The following GRIN2B variants were observed in gnomAD, a reference collection of about 807,000 sequenced individuals.
The protein encoded by GRIN2B is glutamate ionotropic receptor NMDA type subunit 2B.
A neutral mutation model predicts 114.5 loss-of-function variants in GRIN2B; 5 were observed. The ratio of observed to expected loss-of-function variants is 0.04; its 90% confidence interval spans 0.02 to 0.09. The LOEUF is 0.09. Among genes scored for constraint, GRIN2B ranks in the 10% least tolerant of loss-of-function variants. GRIN2B has a pLI of 1.00. For missense variants in GRIN2B, 1,108 were observed against 1,943.5 expected (o/e 0.57, Z 8.08); for synonymous variants, 787 against 745.1 (o/e 1.06, Z -0.92).
At chr12:13,788,174 A>C (rs1003639692) in intron 3 of GRIN2B, among the ~76,000 whole-genome samples, 3 of 152,180 alleles carry the variant, frequency 2.0e-5, no homozygotes, top group Non-Finnish European at 4.4e-5. Context: ...TTTTCTCCCA[A>C]AGTCAGGTAG....
chr12:13,955,840 G>A (rs961924829), intron 2 of GRIN2B, among the ~76,000 whole-genome samples: 6 of 152,170 alleles, frequency 3.9e-5, no homozygotes, highest in African/African-American at 1.4e-4. Flanking sequence ...CACTTTTCTA[G>A]AGTACGTGCA....
intron 2 of GRIN2B, among the ~76,000 whole-genome samples, chr12:13,902,740 G>C (rs1233430783): frequency 1.3e-5 from 2 of 152,116 alleles, no homozygotes; most frequent in East Asian, 3.9e-4. Flanking sequence ...GAACCCGGGA[G>C]GCTGAGGTTG....
At chr12:13,864,303 T>C (rs1175431910) in intron 3 of GRIN2B, among the ~76,000 whole-genome samples, 1 of 152,170 alleles carries the variant, frequency 6.6e-6, no homozygotes, top group Admixed American at 6.6e-5. Flanking sequence ...AAGGTTCCTT[T>C]AGTCTCGGCT....
intron 5 of GRIN2B, among the ~76,000 whole-genome samples, chr12:13,646,767 T>C (rs1296472379): frequency 6.6e-6 from 1 of 152,014 alleles, no homozygotes; most frequent in Non-Finnish European, 1.5e-5. Flanking sequence ...GGGCTCAGAC[T>C]ATCCTCCTGC....
chr12:13,872,533 G>A lies in GRIN2B; in HGVS notation c.-18-6307C>T, dbSNP rs188244701. 2.3e-3 allele frequency among the ~76,000 whole-genome samples: 354 copies of A among 151,900 alleles called. 3 individuals carry two copies. The highest frequency in any genetic ancestry group is 4.3e-3 in the Admixed American group (65 of 15,260). On this transcript the variant is annotated intron_variant, in intron 2 of 13. Coordinates refer to ENST00000609686, the MANE Select transcript of GRIN2B (RefSeq NM_000834.5). ...AATCATCATCACCATGATCAATTGCGGTTTATATCTGAAATGCAAGAATGG... is the reference window on the plus strand; with the variant it reads ...AATCATCATCACCATGATCAATTGCAGTTTATATCTGAAATGCAAGAATGG...
intron 2 of GRIN2B, among the ~76,000 whole-genome samples, chr12:13,898,546 G>C (rs528406297): frequency 6.6e-6 from 1 of 152,340 alleles, no homozygotes; most frequent in South Asian, 2.1e-4. Context: ...GAGAATGCAA[G>C]AGGAAGAACA....
intron 3 of GRIN2B, among the ~76,000 whole-genome samples, chr12:13,791,553 ACT>A (rs1864322565): frequency 6.6e-6 from 1 of 152,030 alleles, no homozygotes; most frequent in Non-Finnish European, 1.5e-5. Flanking sequence ...AGTATGTTGC[ACT>A]CTGTTTCTTA....
intron 3 of GRIN2B, among the ~76,000 whole-genome samples, chr12:13,842,250 T>C (rs975089452): frequency 6.6e-6 from 1 of 152,262 alleles, no homozygotes; most frequent in Non-Finnish European, 1.5e-5. Context: ...TGTTTTAAAT[T>C]ATTTGCTTTC....
At chr12:13,584,988 G>A (rs1948900125) in intron 10 of GRIN2B, among the ~76,000 whole-genome samples, 1 of 152,180 alleles carries the variant, frequency 6.6e-6, no homozygotes, top group South Asian at 2.1e-4. Context: ...TAAAAGCTGT[G>A]GGTGCTAGCA....
intron 10 of GRIN2B, among the ~76,000 whole-genome samples, chr12:13,594,694 A>G (rs1273414862): frequency 1.3e-5 from 2 of 150,404 alleles, no homozygotes; most frequent in Admixed American, 6.6e-5. Context: ...AGCCGCTCAC[A>G]TGGAGGTGCC....
intron 4 of GRIN2B, among the ~76,000 whole-genome samples, chr12:13,708,247 C>A (rs140960628): frequency 1.3e-5 from 2 of 152,200 alleles, no homozygotes; most frequent in South Asian, 2.1e-4. Flanking sequence ...CTCCTTCCCC[C>A]ACGCTTCCCG....
In GRIN2B at chr12:13,980,360, A is replaced by G. The variant is rs1863109103; in HGVS notation, c.-447-4T>C. On this transcript the variant is annotated splice_region_variant and splice_polypyrimidine_tract_variant and intron_variant, in intron 1 of 13. Coordinates refer to ENST00000609686, the MANE Select transcript of GRIN2B (RefSeq NM_000834.5). ...TCATTCCCAAAGCGTCCCCTTCCTA[A>G]GGGGGAAAAAGAGGCGGTCAGGGCT... 6.6e-6 allele frequency: 1 copy of G among 152,074 alleles called. No individual in the cohort carries two copies. Among genetic ancestry groups the G allele is most frequent in the African/African-American group, 2.4e-5 (1 of 41,360 alleles). 9.4% of individuals were successfully genotyped at this position (152,074 alleles called of 1,614,324 possible).
At chr12:13,691,687 G>A (rs1267720658) in intron 4 of GRIN2B, among the ~76,000 whole-genome samples, 1 of 152,162 alleles carries the variant, frequency 6.6e-6, no homozygotes, top group Non-Finnish European at 1.5e-5. Flanking sequence ...GTTGGGGTGA[G>A]TGTAGAAGAG....
intron 3 of GRIN2B, among the ~76,000 whole-genome samples, chr12:13,830,198 G>A (rs1865121341): frequency 6.6e-6 from 1 of 152,148 alleles, no homozygotes; most frequent in Non-Finnish European, 1.5e-5. Context: ...AACAAAAGCA[G>A]GGCACAGTTA....
chr12:13,917,069 G>T (rs536357414), intron 2 of GRIN2B, among the ~76,000 whole-genome samples: 2 of 152,022 alleles, frequency 1.3e-5, no homozygotes, highest in Non-Finnish European at 2.9e-5. Flanking sequence ...CACACTAAGG[G>T]GCAAGCCTGA....
intron 2 of GRIN2B, among the ~76,000 whole-genome samples, chr12:13,951,187 T>A (rs745769773): frequency 6.6e-6 from 1 of 152,108 alleles, no homozygotes; most frequent in Non-Finnish European, 1.5e-5. Context: ...TACTAAAAAA[T>A]TATTGTTTAT....
intron 3 of GRIN2B, among the ~76,000 whole-genome samples, chr12:13,827,758 T>G (rs1865072665): frequency 6.6e-6 from 1 of 152,116 alleles, no homozygotes; most frequent in Non-Finnish European, 1.5e-5. Context: ...CTTGGCTCAC[T>G]GCAACCTCCA....
At position 13,538,781 on chromosome 12, in the gene GRIN2B, C is replaced by T. The variant is rs1435427134; in HGVS notation, c.*24002G>A. 6.6e-6 allele frequency: 1 copy of T among 151,936 alleles called. No individual in the cohort carries two copies. The highest frequency in any genetic ancestry group is 2.4e-5 in the African/African-American group (1 of 41,414). 9.4% of individuals were successfully genotyped at this position (151,936 alleles called of 1,614,324 possible). A position where few individuals can be genotyped will look rare whatever the true frequency, so the allele number is the denominator to read the frequency against. Reference sequence around the variant, plus strand: ...AGTGAGCCGTAATCATACCTCTCCACTCCAGCCTGGATGACAGAGCAAGAC... The same window carrying T: ...AGTGAGCCGTAATCATACCTCTCCATTCCAGCCTGGATGACAGAGCAAGAC... On this transcript the variant is annotated 3_prime_UTR_variant, in exon 14 of 14. Transcript: ENST00000609686.
chr12:13,932,982 T>TGCGC (rs1555158840), intron 2 of GRIN2B, among the ~76,000 whole-genome samples: 3 of 120,316 alleles, frequency 2.5e-5, no homozygotes, highest in East Asian at 2.4e-4. Context: ...TGTGTGTGTG[T>TGCGC]GTGTGCGTGT....
Sources: allele counts gnomAD v4.1 joint callset (sites outside exome capture counted in the v4.1 genomes callset), GRCh38; gene constraint gnomAD v4.1.1; transcripts MANE v1.5; gene names NCBI Gene and HGNC (gene_info 2026-07-23, HGNC 2026-07-21).